Variants in ACACB observed in about 807,000 individuals in gnomAD.
ACACB encodes acetyl-CoA carboxylase beta.
ACACB carries 209 observed loss-of-function variants against 278.8 expected under a neutral mutation model. The observed-to-expected ratio is 0.75, with a 90% confidence interval of 0.67 to 0.84. The LOEUF is 0.84. ACACB is among the 40% of genes least tolerant of loss of function. The probability of loss-of-function intolerance (pLI) is 0.00; values close to 1 mark genes in which losing one functional copy is unlikely to be tolerated. For synonymous variants in ACACB, 1,174 were observed against 1,285.6 expected, an observed-to-expected ratio of 0.91 and a Z score of 1.86; for missense variants, 2,850 against 3,269.0, an observed-to-expected ratio of 0.87 and a Z score of 3.13.
intron 9 of ACACB, among the ~76,000 whole-genome samples, chr12:109,178,724 A>G (rs574481828): frequency 6.6e-6 from 1 of 152,284 alleles, no homozygotes; most frequent in South Asian, 2.1e-4. Flanking sequence ...CACAGCAGAG[A>G]AGGATCTGTC....
chr12:109,237,139 G>C, intron 33 of ACACB, 26 bp from the exon 34 acceptor site: 1 of 1,612,788 alleles, frequency 6.2e-7, no homozygotes, highest in Non-Finnish European at 8.5e-7. Flanking sequence ...GTATGTGTCT[G>C]TCTTCTCTCT....
At chr12:109,243,627 T>C (rs2046860729) in intron 37 of ACACB, among the ~76,000 whole-genome samples, 1 of 151,948 alleles carries the variant, frequency 6.6e-6, no homozygotes, top group African/African-American at 2.4e-5. Flanking sequence ...AAAAAAATAA[T>C]GTTTTATTAT....
intron 21 of ACACB, 94 bp from the exon 22 acceptor site, chr12:109,212,731 GGACCAGTGCTC>G (rs2045885157): frequency 2.3e-6 from 2 of 884,006 alleles, no homozygotes; most frequent in Non-Finnish European, 3.7e-6. Flanking sequence ...AACAGGCCAC[GGACCAGTGCTC>G]GTTTGGGTAC....
Position 109,233,766 on chromosome 12 carries a change from C to T in ACACB, c.4158C>T (p.Ile1386=). Residue 1386 remains isoleucine, a synonymous_variant, in exon 30 of 53, where the codon ATC becomes ATT. Coordinates refer to ENST00000338432, the MANE Select transcript of ACACB (RefSeq NM_001093.4). ...CCCCCAGAAATTTTGATGAAGTCAT[C>T]TCTTGCTTCGCCAACGTGCCCAAAG... ...EDFTRNFDEV[I]SCFANVPKDT... The T allele has an allele frequency of 1.2e-6, 2 of 1,614,192 alleles. No individual in the cohort carries two copies. Among genetic ancestry groups the T allele is most frequent in the Non-Finnish European group, 1.7e-6 (2 of 1,180,034 alleles).
intron 28 of ACACB, among the ~76,000 whole-genome samples, chr12:109,228,261 G>A (rs140203384): frequency 2.6e-5 from 4 of 151,778 alleles, no homozygotes; most frequent in Admixed American, 2.0e-4. Context: ...GCTCGAACCC[G>A]GGAGGCAGAG....
chr12:109,217,279 C>T (rs2046029855), intron 24 of ACACB, among the ~76,000 whole-genome samples: 2 of 151,954 alleles, frequency 1.3e-5, no homozygotes, highest in African/African-American at 4.8e-5. Flanking sequence ...GAGATTCTGT[C>T]TCAAAAAATA....
Position 109,162,222 on chromosome 12 carries a change from G to A in ACACB, c.654-4639G>A, listed in dbSNP as rs767589721. ...TCAAACTCTTGCCCTCAAGTTATCT[G>A]CCCATCTTCGCCTCCCAAAGTGCTG... On this transcript the variant is annotated intron_variant, in intron 2 of 52. Coordinates refer to ENST00000338432, the MANE Select transcript of ACACB (RefSeq NM_001093.4). Among the ~76,000 whole-genome samples the A allele has an allele frequency of 4.9e-4, 74 of 152,090 alleles. 1 individual carries two copies. Among genetic ancestry groups the A allele is most frequent in the Non-Finnish European group, 1.2e-4 (8 of 67,990 alleles).
intron 2 of ACACB, among the ~76,000 whole-genome samples, chr12:109,151,219 A>G (rs246088): frequency 0.83 from 126,233 of 151,952 alleles, 53,585 homozygotes; most frequent in Middle Eastern, 0.93. Context: ...TCCTGACCTC[A>G]TGATCTGCCC....
chr12:109,225,183 A>G (rs73191167), intron 27 of ACACB, among the ~76,000 whole-genome samples: 20,583 of 152,202 alleles, frequency 0.14, 2,899 homozygotes, highest in African/African-American at 0.36. Context: ...TGTTAGAGAC[A>G]GGTCTTGCCG....
intron 1 of ACACB, among the ~76,000 whole-genome samples, chr12:109,132,427 A>C (rs1002361844): frequency 2.0e-5 from 3 of 152,046 alleles, no homozygotes; most frequent in African/African-American, 7.2e-5. Flanking sequence ...AGCCTCCCAA[A>C]GTGCTGGGAT....
At position 109,216,724 on chromosome 12, in the gene ACACB, C is replaced by A; in HGVS notation, c.3439+18C>A. 1 of 1,614,080 alleles carries A rather than the reference C, an allele frequency of 6.2e-7. No individual in the cohort carries two copies. The highest frequency in any genetic ancestry group is 8.5e-7 in the Non-Finnish European group (1 of 1,180,012). On this transcript the variant is annotated intron_variant, in intron 23 of 52. Coordinates refer to ENST00000338432, the MANE Select transcript of ACACB (RefSeq NM_001093.4). ...TCAGCAAGGCAAGAGATGCTGATGCCAACACCAGTGGGATGGTGGGGGGCG... is the reference window on the plus strand; with the variant it reads ...TCAGCAAGGCAAGAGATGCTGATGCAAACACCAGTGGGATGGTGGGGGGCG...
intron 18 of ACACB, among the ~76,000 whole-genome samples, chr12:109,200,595 G>A (rs1299951458): frequency 2.6e-5 from 4 of 152,098 alleles, no homozygotes; most frequent in Non-Finnish European, 5.9e-5. Context: ...ATAACCATGT[G>A]GCAGGTGCTG....
Position 109,265,448 on chromosome 12 carries a change from A to C in ACACB, c.7173A>C (p.Ala2391=), listed in dbSNP as rs532199079. ...AGTGGCTGGAACAGCACTGGCAGGC[A>C]GGGGATGGCCCGCGCTCCACCATCC... ...VVQWLEQHWQ[A]GDGPRSTIRE... The change falls in exon 52 of 53, where the codon GCA becomes GCC. Residue 2391 remains alanine (A), a synonymous_variant. Transcript: ENST00000338432. The C allele has an allele frequency of 6.2e-7, 1 of 1,613,456 alleles. No individual in the cohort carries two copies. Among genetic ancestry groups the C allele is most frequent in the South Asian group, 1.1e-5 (1 of 91,034 alleles).
In ACACB at chr12:109,254,257, T is replaced by C. The variant is rs1290862244; in HGVS notation, c.6089T>C (p.Ile2030Thr). 7 of 1,613,812 alleles carry C rather than the reference T, an allele frequency of 4.3e-6. No individual in the cohort carries two copies. The highest frequency in any genetic ancestry group is 1.3e-5 in the African/African-American group (1 of 74,892). ...PVPIITPTDP[I>T]DREIEFLPSR... ...CCTATCATCACACCCACTGACCCCATTGACAGAGAAATTGAATTCCTCCCA... is the reference window on the plus strand; with the variant it reads ...CCTATCATCACACCCACTGACCCCACTGACAGAGAAATTGAATTCCTCCCA... Residue 2030 changes from isoleucine to threonine, a missense_variant, in exon 44 of 53, where the codon ATT (isoleucine) becomes ACT (threonine). Around this residue, in one of 3 missense-constraint regions of ACACB, gnomAD observed 579 missense variants for 684.6 expected, o/e 0.85. Transcript: ENST00000338432.
intron 36 of ACACB, 26 bp from the exon 37 acceptor site, chr12:109,242,411 T>C: frequency 6.2e-7 from 1 of 1,607,438 alleles, no homozygotes; most frequent in Non-Finnish European, 8.5e-7. Flanking sequence ...TCTCTCACTC[T>C]CTGTTTTCCC....
intron 20 of ACACB, among the ~76,000 whole-genome samples, chr12:109,207,803 C>T (rs1593561912): frequency 6.6e-6 from 1 of 152,142 alleles, no homozygotes; most frequent in African/African-American, 2.4e-5. Context: ...CTCAGCCTCC[C>T]GAGTAGCTGG....
intron 2 of ACACB, among the ~76,000 whole-genome samples, chr12:109,162,934 C>A (rs2043779056): frequency 6.6e-6 from 1 of 151,988 alleles, no homozygotes; most frequent in Non-Finnish European, 1.5e-5. Flanking sequence ...TTTTCTTTTT[C>A]TTTTTTGAGA....
At chr12:109,250,886 C>T (rs929426477) in intron 41 of ACACB, among the ~76,000 whole-genome samples, 4 of 152,186 alleles carry the variant, frequency 2.6e-5, no homozygotes, top group African/African-American at 9.7e-5. Context: ...ATCCAAGTGC[C>T]TCATCCAACC....
In ACACB at chr12:109,264,376, G is replaced by A. The variant is rs765330713; in HGVS notation, c.6932G>A (p.Gly2311Asp). 33 of 1,614,046 alleles carry A rather than the reference G, an allele frequency of 2.0e-5. No individual in the cohort carries two copies. In the South Asian group the frequency reaches 3.4e-4, roughly 17 times the overall value. Residue 2311 changes from glycine to aspartate, a missense_variant, in exon 50 of 53, where the codon GGC becomes GAC. By Grantham distance (94) the Gly-to-Asp change is moderately conservative (BLOSUM62 -1). This residue lies in a region of ACACB where 579 missense variants were observed against 684.6 expected (regional missense o/e 0.85). Coordinates refer to ENST00000338432, the MANE Select transcript of ACACB (RefSeq NM_001093.4). ...HDTPGRMLEKGVISDILEWKT... is the reference protein window; with the variant it reads ...HDTPGRMLEKDVISDILEWKT... ...ACACCCGGCCGGATGCTGGAGAAGG[G>A]CGTCATATCTGTGAGAGCCACAGCT...
Sources: gnomAD v4.1 joint callset for allele counts (sites outside exome capture counted in the v4.1 genomes callset) on GRCh38, gnomAD v4.1.1 for gene constraint, gnomAD v4.1.1 regional missense constraint, MANE v1.5 for transcripts, NCBI Gene and HGNC (gene_info 2026-07-23, HGNC 2026-07-21) for gene names.